Variants in PARD3B observed in about 807,000 individuals in gnomAD.
The protein encoded by PARD3B is par-3 family cell polarity regulator beta, also known as partitioning defective 3 homolog B.
Under a neutral mutation model 130.2 loss-of-function variants are expected in PARD3B, and 103 were observed. That is an observed-to-expected ratio of 0.79 (90% CI 0.67 to 0.93). The LOEUF (loss-of-function observed/expected upper bound fraction) is 0.93. PARD3B is among the 40% of genes least tolerant of loss of function. The probability of loss-of-function intolerance (pLI) is 0.00; values close to 1 mark genes in which losing one functional copy is unlikely to be tolerated. For synonymous variants in PARD3B, 583 were observed against 553.2 expected, an observed-to-expected ratio of 1.05 and a Z score of -0.76; for missense variants, 1,609 against 1,499.2, an observed-to-expected ratio of 1.07 and a Z score of -1.21.
At chr2:204,980,832 G>A (rs752459540) in intron 3 of PARD3B, among the ~76,000 whole-genome samples, 14 of 152,312 alleles carry the variant, frequency 9.2e-5, no homozygotes, top group African/African-American at 1.9e-4. Flanking sequence ...ACTAAATACA[G>A]TATGGTATCC....
chr2:204,898,800 T>A (rs75889892), intron 2 of PARD3B, among the ~76,000 whole-genome samples: 4,156 of 152,274 alleles, frequency 0.027, 189 homozygotes, highest in African/African-American at 0.095. Flanking sequence ...TTCTGGGTGC[T>A]TTGTGTTGGA....
chr2:205,471,836 C>T (rs1246105290), intron 20 of PARD3B, among the ~76,000 whole-genome samples: 1 of 152,156 alleles, frequency 6.6e-6, no homozygotes, highest in Non-Finnish European at 1.5e-5. Flanking sequence ...TCTGCAATAA[C>T]ATATATCTAG....
chr2:205,431,563 C>T (rs911776864), intron 19 of PARD3B, among the ~76,000 whole-genome samples: 5 of 151,346 alleles, frequency 3.3e-5, no homozygotes, highest in African/African-American at 7.3e-5. Context: ...TCTGCCTCCC[C>T]GGTTCTTGCC....
intron 18 of PARD3B, among the ~76,000 whole-genome samples, chr2:205,387,507 T>A (rs1212979042): frequency 1.3e-5 from 2 of 152,176 alleles, no homozygotes; most frequent in Non-Finnish European, 2.9e-5. Context: ...ATTGACTGGA[T>A]TAGTGAGCAT....
In PARD3B at chr2:205,146,241, G is replaced by A. The variant is rs1277805707; in HGVS notation, c.1435-12481G>A. Among the ~76,000 whole-genome samples, 1 of 152,184 alleles carries A rather than the reference G, an allele frequency of 6.6e-6. No individual in the cohort carries two copies. Among genetic ancestry groups the A allele is most frequent in the African/African-American group, 2.4e-5 (1 of 41,446 alleles). On this transcript the variant is annotated intron_variant, in intron 10 of 22. Coordinates refer to ENST00000406610, the MANE Select transcript of PARD3B (RefSeq NM_001302769.2). This position sits in a 1 kb window ranked among gnomAD's most constrained non-coding sequence, Gnocchi z 4.3. ...AAAGATGTTACATGCAGGTAGCCTG[G>A]CATCAAAGAATTTGTGATAGCAAAG...
intron 2 of PARD3B, among the ~76,000 whole-genome samples, chr2:204,915,322 A>G (rs1358881882): frequency 6.6e-6 from 1 of 152,204 alleles, no homozygotes; most frequent in Non-Finnish European, 1.5e-5. Context: ...TAATTTTAGA[A>G]AAGTCCCCTC....
intron 18 of PARD3B, among the ~76,000 whole-genome samples, chr2:205,335,646 A>G (rs939107107): frequency 2.0e-5 from 3 of 152,152 alleles, no homozygotes; most frequent in Non-Finnish European, 4.4e-5. Context: ...ACTGGGGAAA[A>G]AAAAAAAGAG....
intron 16 of PARD3B, among the ~76,000 whole-genome samples, chr2:205,283,379 G>T (rs1009779771): frequency 6.6e-6 from 1 of 152,094 alleles, no homozygotes; most frequent in African/African-American, 2.4e-5. Flanking sequence ...CAATCTCCTG[G>T]GCTCAAGGGT....
At chr2:204,798,457 T>G (rs1328880821) in intron 2 of PARD3B, among the ~76,000 whole-genome samples, 1 of 152,152 alleles carries the variant, frequency 6.6e-6, no homozygotes, top group African/African-American at 2.4e-5. Context: ...AAAGGCAGTC[T>G]AGGCCACAAG....
At chr2:205,212,575 T>A (rs1302168729) in intron 15 of PARD3B, among the ~76,000 whole-genome samples, 1 of 151,834 alleles carries the variant, frequency 6.6e-6, no homozygotes, top group Non-Finnish European at 1.5e-5. Context: ...TGAGAGAGAA[T>A]CTCCAGGGCA....
chr2:204,840,152 T>G lies in PARD3B; in HGVS notation c.223-125000T>G, dbSNP rs1021519258. On this transcript the variant is annotated intron_variant, in intron 2 of 22. Transcript: ENST00000406610. Reference sequence around the variant, plus strand: ...TAGCAGTTCATGTGAAGTTACTCAGTAGAAATACTTTAAATCATATAAAAA... The same window carrying G: ...TAGCAGTTCATGTGAAGTTACTCAGGAGAAATACTTTAAATCATATAAAAA... Among the ~76,000 whole-genome samples, 57 of 152,146 alleles carry G rather than the reference T, an allele frequency of 3.7e-4. 1 individual carries two copies. Among genetic ancestry groups the G allele is most frequent in the Non-Finnish European group, 2.1e-4 (14 of 68,030 alleles).
intron 20 of PARD3B, among the ~76,000 whole-genome samples, chr2:205,482,121 G>A (rs933636865): frequency 2.6e-5 from 4 of 152,314 alleles, no homozygotes; most frequent in South Asian, 2.1e-4. Context: ...TATGAAATGC[G>A]AGGGAATAGG....
chr2:205,502,805 A>T (rs965008884), intron 21 of PARD3B, among the ~76,000 whole-genome samples: 4 of 152,162 alleles, frequency 2.6e-5, no homozygotes, highest in Non-Finnish European at 5.9e-5. Flanking sequence ...ATTTTAAAAT[A>T]TATATATAAA....
At chr2:205,059,685 G>A (rs754560770) in intron 4 of PARD3B, among the ~76,000 whole-genome samples, 6 of 151,966 alleles carry the variant, frequency 3.9e-5, no homozygotes, top group Admixed American at 6.6e-5. Flanking sequence ...ATTAGAACAC[G>A]GCATCATGCC....
intron 2 of PARD3B, among the ~76,000 whole-genome samples, chr2:204,847,844 A>G (rs556846249): frequency 1.6e-4 from 24 of 152,214 alleles, no homozygotes; most frequent in Non-Finnish European, 2.9e-4. Context: ...AGGAAAGGAA[A>G]ACATCGTATG....
chr2:204,788,674 C>A (rs1303275215), intron 2 of PARD3B, among the ~76,000 whole-genome samples: 1 of 152,076 alleles, frequency 6.6e-6, no homozygotes, highest in African/African-American at 2.4e-5. Context: ...TGGTCCAGCA[C>A]AAATCACTTA....
rs1330280222 is a variant in PARD3B, at chr2:205,341,405, C to A, written c.2630+39704C>A. Among the ~76,000 whole-genome samples the A allele has an allele frequency of 6.6e-6, 1 of 152,078 alleles. No homozygotes were observed. The highest frequency in any genetic ancestry group is 1.9e-4 in the East Asian group (1 of 5,202). ...TATATATACACAATGGAATACTATT[C>A]AGCCATATAAAGAGTGAAATTCTGT... On this transcript the variant is annotated intron_variant, in intron 18 of 22. Transcript: ENST00000406610. The surrounding 1 kb of genome is among the most constrained non-coding windows in gnomAD (Gnocchi z 4.3).
chr2:205,047,961 T>C (rs144593697), intron 4 of PARD3B: 29 of 265,258 alleles, frequency 1.1e-4, no homozygotes, highest in African/African-American at 6.0e-4. Context: ...GGTAAGCACA[T>C]GTTTTTATCT....
In PARD3B at chr2:205,473,069, A is replaced by G. The variant is rs1247904982; in HGVS notation, c.3045-26827A>G. Among the ~76,000 whole-genome samples the G allele has an allele frequency of 1.3e-5, 2 of 152,134 alleles. No individual in the cohort carries two copies. Among genetic ancestry groups the G allele is most frequent in the Non-Finnish European group, 2.9e-5 (2 of 67,994 alleles). On this transcript the variant is annotated intron_variant, in intron 20 of 22. Coordinates refer to ENST00000406610, the MANE Select transcript of PARD3B (RefSeq NM_001302769.2). The surrounding 1 kb of genome is among the most constrained non-coding windows in gnomAD (Gnocchi z 4.9). The stretch of plus-strand genomic sequence containing the variant: ...GAGCTAGAAGCTTGGCAATTTTACA[A>G]ATTCTAGCAACTTCTTAAGAAGCTC...
Sources: allele counts gnomAD v4.1 joint callset (sites outside exome capture counted in the v4.1 genomes callset), GRCh38; gene constraint gnomAD v4.1.1; non-coding constraint Gnocchi (gnomAD v3.1); transcripts MANE v1.5; gene names NCBI Gene and HGNC (gene_info 2026-07-23, HGNC 2026-07-21).